DLGAP2: variants seen among roughly 807,000 people sequenced by gnomAD.
DLGAP2 encodes disks large-associated protein 2.
DLGAP2 carries 26 observed loss-of-function variants against 100.3 expected under a neutral mutation model. The observed-to-expected ratio is 0.26, with a 90% CI of 0.19 to 0.36. The LOEUF is 0.36. DLGAP2 is among the 10% of genes least tolerant of loss of function. The probability of loss-of-function intolerance (pLI) is 1.00; values close to 1 mark genes in which losing one functional copy is unlikely to be tolerated. For synonymous variants in DLGAP2, 886 were observed against 630.1 expected (o/e 1.41, Z -6.08); for missense variants, 1,858 against 1,453.2 (o/e 1.28, Z -4.53).
intron 1 of DLGAP2, among the ~76,000 whole-genome samples, chr8:885,244 C>A (rs767780867): frequency 6.6e-5 from 10 of 152,336 alleles, no homozygotes; most frequent in East Asian, 5.8e-4. Context: ...AGTATTGATT[C>A]TTCCTATCCA....
intron 2 of DLGAP2, among the ~76,000 whole-genome samples, chr8:1,061,917 TC>T (rs961129775): frequency 8.6e-5 from 13 of 152,028 alleles, no homozygotes; most frequent in African/African-American, 3.1e-4. Context: ...AAGACCCATG[TC>T]GTCAGCACTG....
Position 1,321,255 on chromosome 8 carries a change from A to G in DLGAP2, c.106+62372A>G, listed in dbSNP as rs187335339. The stretch of plus-strand genomic sequence containing the variant: ...TCTGTGTCTCTGCATGTGCACGTGC[A>G]TCTGTGCCATGTGCGTGTGCGTGCA... On this transcript the variant is annotated intron_variant, in intron 3 of 14. Transcript: ENST00000637795. 1.1e-4 allele frequency among the ~76,000 whole-genome samples: 17 copies of G among 149,124 alleles called. No individual in the cohort carries two copies. The East Asian group carries it at 3.5e-3, about 30-fold the overall frequency.
chr8:905,031 T>C (rs1278195386), intron 1 of DLGAP2, among the ~76,000 whole-genome samples: 1 of 152,218 alleles, frequency 6.6e-6, no homozygotes, highest in Non-Finnish European at 1.5e-5. Flanking sequence ...CTATCCTGCC[T>C]GTGACTGTGG....
chr8:959,207 T>C (rs1174851011), intron 2 of DLGAP2, among the ~76,000 whole-genome samples: 1 of 152,196 alleles, frequency 6.6e-6, no homozygotes, highest in Non-Finnish European at 1.5e-5. Context: ...AAAAGACATG[T>C]AAAAGAGTGA....
intron 3 of DLGAP2, among the ~76,000 whole-genome samples, chr8:1,356,332 A>T (rs1801849836): frequency 6.6e-6 from 1 of 152,234 alleles, no homozygotes; most frequent in Admixed American, 6.5e-5. Flanking sequence ...CAACGTTTAC[A>T]GGCAGTAAAA....
At position 1,161,498 on chromosome 8, in the gene DLGAP2, G is replaced by A. The variant is rs143939020; in HGVS notation, c.74-97353G>A. Among the ~76,000 whole-genome samples, 18 of 152,294 alleles carry A rather than the reference G, an allele frequency of 1.2e-4. No individual in the cohort carries two copies. In the East Asian group the frequency reaches 3.5e-3, roughly 29 times the overall value. On this transcript the variant is annotated intron_variant, in intron 2 of 14. Coordinates refer to ENST00000637795, the MANE Select transcript of DLGAP2 (RefSeq NM_001346810.2). ...TAAGAGTGAGGGACAAATTCTGTTGGGATGTGTGGGGGCCGGCACAGGGAG... is the reference window on the plus strand; with the variant it reads ...TAAGAGTGAGGGACAAATTCTGTTGAGATGTGTGGGGGCCGGCACAGGGAG...
chr8:1,679,742 G>A (rs898552523), intron 12 of DLGAP2, among the ~76,000 whole-genome samples: 2 of 152,212 alleles, frequency 1.3e-5, no homozygotes, highest in Non-Finnish European at 2.9e-5. Context: ...AGCACTTTAG[G>A]AGGCTGAGGC....
At position 1,626,774 on chromosome 8, in the gene DLGAP2, G is replaced by T. The variant is rs372268662; in HGVS notation, c.1477G>T (p.Val493Leu). The change falls in exon 7 of 15, where the codon GTG (valine) becomes TTG (leucine). Residue 493 changes from valine to leucine, a missense_variant. By Grantham distance (32) the Val-to-Leu change is conservative (BLOSUM62 1). Coordinates refer to ENST00000637795, the MANE Select transcript of DLGAP2 (RefSeq NM_001346810.2). ...CCTGCAAGCTGCAAGCGATGTGCCTGTGGGACACAGCCTGGACCCCGCTGC... is the reference window on the plus strand; with the variant it reads ...CCTGCAAGCTGCAAGCGATGTGCCTTTGGGACACAGCCTGGACCCCGCTGC... ...TYLQAASDVP[V>L]GHSLDPAANY... 23 of 1,603,984 alleles carry T rather than the reference G, an allele frequency of 1.4e-5. 1 individual carries two copies. The East Asian group carries it at 4.9e-4, about 35-fold the overall frequency.
In DLGAP2 at chr8:1,606,336, G is replaced by A. The variant is rs139783589; in HGVS notation, c.1443-20404G>A. Among the ~76,000 whole-genome samples the A allele has an allele frequency of 4.2e-3, 645 of 152,108 alleles. 2 individuals are homozygous for A. Among genetic ancestry groups the A allele is most frequent in the Middle Eastern group, 0.027 (8 of 294 alleles). On this transcript the variant is annotated intron_variant, in intron 6 of 14. Transcript: ENST00000637795. The stretch of plus-strand genomic sequence containing the variant: ...GTTCTTAGTTTATTTATGGACTTGC[G>A]CGAACATCAGTGCAATCCATTTTAG...
intron 2 of DLGAP2, among the ~76,000 whole-genome samples, chr8:1,216,912 T>C (rs1343630647): frequency 2.0e-5 from 3 of 152,298 alleles, no homozygotes; most frequent in Middle Eastern, 3.4e-3. Context: ...AGGTACTGTT[T>C]CTCATTTACA....
chr8:805,963 G>C (rs994585676), intron 1 of DLGAP2, among the ~76,000 whole-genome samples: 1 of 152,228 alleles, frequency 6.6e-6, no homozygotes, highest in Non-Finnish European at 1.5e-5. Flanking sequence ...TGGTCTGTGA[G>C]TTCCTGCTGG....
chr8:1,273,579 G>A (rs929857120), intron 3 of DLGAP2, among the ~76,000 whole-genome samples: 3 of 152,198 alleles, frequency 2.0e-5, no homozygotes, highest in African/African-American at 4.8e-5. Context: ...GTGCCGTGAC[G>A]GCTTTATCAT....
At chr8:1,075,160 A>G (rs570443245) in intron 2 of DLGAP2, among the ~76,000 whole-genome samples, 2 of 152,322 alleles carry the variant, frequency 1.3e-5, no homozygotes, top group East Asian at 3.9e-4. Context: ...GCTGAGACAA[A>G]CAGCCCCTCC....
intron 2 of DLGAP2, among the ~76,000 whole-genome samples, chr8:1,208,088 T>C (rs1798032009): frequency 6.6e-6 from 1 of 152,214 alleles, no homozygotes; most frequent in South Asian, 2.1e-4. Flanking sequence ...CTGTTTATCT[T>C]TGCTTTTGTT....
chr8:1,407,275 C>T (rs1248426958), intron 3 of DLGAP2, among the ~76,000 whole-genome samples: 28 of 12,426 alleles, frequency 2.3e-3, no homozygotes, highest in African/African-American at 3.2e-3. Flanking sequence ...TACTGAGCGC[C>T]ACCTCCTCAT....
intron 2 of DLGAP2, among the ~76,000 whole-genome samples, chr8:929,884 T>C (rs1798916212): frequency 6.6e-6 from 1 of 151,710 alleles, no homozygotes; most frequent in Admixed American, 6.6e-5. Context: ...AGGATGGAAT[T>C]GAAATGTATT....
At chr8:1,351,001 G>T (rs1410437047) in intron 3 of DLGAP2, among the ~76,000 whole-genome samples, 5 of 123,462 alleles carry the variant, frequency 4.0e-5, no homozygotes, top group Non-Finnish European at 5.0e-5. Context: ...GGCCGTGCGG[G>T]TCCTGACTGT....
chr8:933,170 C>G (rs528736692), intron 2 of DLGAP2, among the ~76,000 whole-genome samples: 1 of 152,236 alleles, frequency 6.6e-6, no homozygotes, highest in Non-Finnish European at 1.5e-5. Context: ...TATGGGTGGT[C>G]GGGTTGTGAC....
chr8:791,483 C>G (rs1007112522), intron 1 of DLGAP2, among the ~76,000 whole-genome samples: 1 of 152,192 alleles, frequency 6.6e-6, no homozygotes, highest in Non-Finnish European at 1.5e-5. Context: ...CCTATCCTCC[C>G]CACTTGTAAC....
Sources: gnomAD v4.1 joint callset for allele counts (sites outside exome capture counted in the v4.1 genomes callset) on GRCh38, gnomAD v4.1.1 for gene constraint, MANE v1.5 for transcripts, NCBI Gene and HGNC (gene_info 2026-07-23, HGNC 2026-07-21) for gene names.